Variants in SLC4A4 observed in about 807,000 individuals in gnomAD.
SLC4A4 encodes solute carrier family 4 member 4, also known as electrogenic sodium bicarbonate cotransporter 1.
A neutral mutation model predicts 111.5 loss-of-function variants in SLC4A4; 27 were observed. The observed-to-expected ratio is 0.24, with a 90% CI of 0.18 to 0.33. The LOEUF (loss-of-function observed/expected upper bound fraction) is 0.33, where lower values mean the gene tolerates loss of function less well. Ranked by LOEUF, SLC4A4 falls within the 10% of genes least tolerant of loss-of-function variation. SLC4A4 has a pLI of 1.00. For synonymous variants in SLC4A4, 443 were observed against 463.4 expected (o/e 0.96, Z 0.57); for missense variants, 909 against 1,315.5 (o/e 0.69, Z 4.78).
intron 3 of SLC4A4, among the ~76,000 whole-genome samples, chr4:71,287,645 T>G (rs1724024125): frequency 2.0e-5 from 3 of 152,234 alleles, no homozygotes; most frequent in African/African-American, 7.2e-5. Context: ...GTGCTAGTGC[T>G]TTTCCCTCAT....
chr4:71,264,286 C>CACATG (rs1331942353), intron 3 of SLC4A4, among the ~76,000 whole-genome samples: 1 of 152,106 alleles, frequency 6.6e-6, no homozygotes, highest in Non-Finnish European at 1.5e-5. Flanking sequence ...AAACACATTG[C>CACATG]ACATGATATC....
intron 3 of SLC4A4, among the ~76,000 whole-genome samples, chr4:71,285,926 C>T (rs1036833969): frequency 2.2e-4 from 33 of 152,054 alleles, no homozygotes; most frequent in Non-Finnish European, 4.4e-5. Context: ...ATTGGAATCA[C>T]TAGGAGGTCT....
intron 3 of SLC4A4, among the ~76,000 whole-genome samples, chr4:71,260,561 A>G (rs892562088): frequency 7.2e-5 from 11 of 152,190 alleles, no homozygotes; most frequent in Non-Finnish European, 1.6e-4. Flanking sequence ...TTCACCTTAT[A>G]TAAGTAGGAG....
intron 3 of SLC4A4, among the ~76,000 whole-genome samples, chr4:71,337,876 C>A (rs769299040): frequency 6.6e-6 from 1 of 151,836 alleles, no homozygotes; most frequent in Non-Finnish European, 1.5e-5. Flanking sequence ...GTCACCCAGG[C>A]TGGAGTGCAA....
chr4:71,119,336 A>G (rs569215461), intron 2 of SLC4A4, among the ~76,000 whole-genome samples: 13 of 152,242 alleles, frequency 8.5e-5, no homozygotes, highest in Admixed American at 3.9e-4. Flanking sequence ...TTTATCTATG[A>G]GTGCACTTAT....
chr4:71,516,266 T>C (rs1442074990), intron 16 of SLC4A4, among the ~76,000 whole-genome samples: 1 of 151,560 alleles, frequency 6.6e-6, no homozygotes, highest in South Asian at 2.1e-4. Flanking sequence ...CGGCTAATTT[T>C]TTTTGTATTT....
intron 6 of SLC4A4, among the ~76,000 whole-genome samples, chr4:71,359,132 G>A (rs1730538872): frequency 6.6e-6 from 1 of 152,178 alleles, no homozygotes; most frequent in South Asian, 2.1e-4. Flanking sequence ...TGTGCTTTAG[G>A]AGAAAGTATT....
intron 2 of SLC4A4, among the ~76,000 whole-genome samples, chr4:71,103,327 C>T (rs916190899): frequency 6.6e-6 from 1 of 152,086 alleles, no homozygotes; most frequent in Non-Finnish European, 1.5e-5. Context: ...TAATGGGAGA[C>T]TTTAACATCC....
chr4:71,284,488 A>G lies in SLC4A4; in HGVS notation c.253+29089A>G, dbSNP rs182369501. Among the ~76,000 whole-genome samples, 250 of 152,348 alleles carry G rather than the reference A, an allele frequency of 1.6e-3. 2 individuals carry two copies. The highest frequency in any genetic ancestry group is 3.4e-3 in the Middle Eastern group (1 of 294). On this transcript the variant is annotated intron_variant, in intron 3 of 25. Coordinates refer to ENST00000264485, the MANE Select transcript of SLC4A4 (RefSeq NM_001098484.3). ...CCCTTTGGTCTTAGTTTTGCTCTTC[A>G]TAATGCAGTTAATCCTTCTTCCACA... is the stretch of plus-strand genomic sequence containing the variant.
At chr4:71,441,764 T>A (rs895586510) in intron 8 of SLC4A4, among the ~76,000 whole-genome samples, 3 of 152,248 alleles carry the variant, frequency 2.0e-5, no homozygotes, top group Non-Finnish European at 4.4e-5. Context: ...CAGGCTATTC[T>A]TCCTCATCAT....
At chr4:71,351,004 C>T (rs560271704) in intron 5 of SLC4A4, among the ~76,000 whole-genome samples, 6 of 152,236 alleles carry the variant, frequency 3.9e-5, no homozygotes, top group African/African-American at 4.8e-5. Flanking sequence ...AAGGATAATA[C>T]GGCAGTTTAG....
At chr4:71,531,962 T>C in intron 16 of SLC4A4, 100 bp from the exon 17 acceptor site, 1 of 740,150 alleles carries the variant, frequency 1.4e-6, no homozygotes, top group Non-Finnish European at 2.4e-6. Context: ...GCTGTTGCTA[T>C]AAACTATTAG....
chr4:71,075,564 T>C (rs1284379926), intron 1 of SLC4A4, among the ~76,000 whole-genome samples: 1 of 152,202 alleles, frequency 6.6e-6, no homozygotes, highest in Non-Finnish European at 1.5e-5. Flanking sequence ...CCCAGGAACT[T>C]TGCCCTTGCT....
intron 1 of SLC4A4, chr4:71,236,069 T>C: frequency 2.0e-6 from 2 of 997,910 alleles, no homozygotes; most frequent in Non-Finnish European, 2.4e-6. Context: ...CACTGTGCAC[T>C]AGCCTACCTC....
chr4:71,122,545 A>G (rs1743461330), intron 2 of SLC4A4, among the ~76,000 whole-genome samples: 1 of 152,164 alleles, frequency 6.6e-6, no homozygotes, highest in South Asian at 2.1e-4. Context: ...TTGACCCCAC[A>G]GAACTTTATG....
intron 7 of SLC4A4, among the ~76,000 whole-genome samples, chr4:71,423,793 G>A (rs1722802803): frequency 6.6e-6 from 1 of 152,212 alleles, no homozygotes; most frequent in South Asian, 2.1e-4. Flanking sequence ...GCCATATGTA[G>A]AAAGCTGAAA....
intron 1 of SLC4A4, among the ~76,000 whole-genome samples, chr4:71,072,520 T>C (rs1409642681): frequency 1.3e-5 from 2 of 152,078 alleles, no homozygotes; most frequent in Non-Finnish European, 2.9e-5. Context: ...CTTCTCTTTT[T>C]ATTCATTTTT....
At chr4:71,142,315 T>C (rs1482244726) in intron 2 of SLC4A4, among the ~76,000 whole-genome samples, 1 of 152,200 alleles carries the variant, frequency 6.6e-6, no homozygotes, top group African/African-American at 2.4e-5. Context: ...AAACACTGCA[T>C]ATAAAAAGAG....
At chr4:71,455,244 C>T (rs995179148) in intron 12 of SLC4A4, among the ~76,000 whole-genome samples, 1 of 152,182 alleles carries the variant, frequency 6.6e-6, no homozygotes, top group Non-Finnish European at 1.5e-5. Flanking sequence ...TCAAAGAACA[C>T]ATACCTCTGT....
Sources: allele counts gnomAD v4.1 joint callset (sites outside exome capture counted in the v4.1 genomes callset), GRCh38; gene constraint gnomAD v4.1.1; transcripts MANE v1.5; gene names NCBI Gene and HGNC (gene_info 2026-07-23, HGNC 2026-07-21).